The following TAF3 variants were observed in gnomAD, a reference collection of about 807,000 sequenced individuals.
TAF3 encodes the protein TATA-box binding protein associated factor 3.
TAF3 carries 7 observed loss-of-function variants against 80.6 expected under a neutral mutation model. The ratio of observed to expected loss-of-function variants is 0.09; its 90% CI spans 0.05 to 0.16. TAF3 has a LOEUF of 0.16. TAF3 is among the 10% of genes least tolerant of loss of function. The probability of loss-of-function intolerance (pLI) is 1.00; values close to 1 mark genes in which losing one functional copy is unlikely to be tolerated. For synonymous variants in TAF3, 444 were observed against 446.1 expected, an observed-to-expected ratio of 1.00 and a Z score of 0.06; for missense variants, 921 against 1,140.2, an observed-to-expected ratio of 0.81 and a Z score of 2.77.
chr10:7,980,146 G>A (rs991068599), intron 4 of TAF3, among the ~76,000 whole-genome samples: 26 of 152,222 alleles, frequency 1.7e-4, no homozygotes, highest in South Asian at 4.1e-4. Context: ...TGAAATTAAT[G>A]AGCAGACTGG....
chr10:8,015,581 T>G lies in TAF3; in HGVS notation c.*830T>G, dbSNP rs139193533. 3.8e-3 allele frequency: 577 copies of G among 152,272 alleles called. 3 individuals carry two copies. Among genetic ancestry groups the G allele is most frequent in the African/African-American group, 0.012 (512 of 41,568 alleles). The allele number at this position is 152,272 out of a possible 1,614,324, so 9.4% of individuals were successfully genotyped here. ...ATTTTTATCGTGTTTAATTCTGGCT[T>G]TCTCTGAAATCCACTGTGATTTCAG... On this transcript the variant is annotated 3_prime_UTR_variant, in exon 7 of 7. Coordinates refer to ENST00000344293, the MANE Select transcript of TAF3 (RefSeq NM_031923.4).
chr10:7,872,213 A>ATATT lies in TAF3; in HGVS notation c.409+47654_409+47655insATTT, dbSNP rs767223058. ...GTAACATGGTAGAAGTGTTGGGTTG[A>ATATT]TTTTTTTTTTTTTTTTTTTTCTTTC... On this transcript the variant is annotated intron_variant, in intron 2 of 6. Transcript: ENST00000344293. Among the ~76,000 whole-genome samples, 7 of 121,974 alleles carry ATATT rather than the reference A, an allele frequency of 5.7e-5. No homozygotes were observed. In the South Asian group the frequency reaches 7.7e-4, roughly 13 times the overall value. The allele number at this position is 121,974 out of a possible 152,430, so 80.0% of individuals were successfully genotyped here.
chr10:7,864,370 T>G (rs1005563419), intron 2 of TAF3, among the ~76,000 whole-genome samples: 1 of 152,230 alleles, frequency 6.6e-6, no homozygotes, highest in African/African-American at 2.4e-5. Context: ...TTTTGAAGTA[T>G]ATAGGCACTG....
At chr10:7,890,331 T>G (rs536035187) in intron 2 of TAF3, among the ~76,000 whole-genome samples, 1 of 152,336 alleles carries the variant, frequency 6.6e-6, no homozygotes, top group African/African-American at 2.4e-5. Context: ...TTGGATGCTC[T>G]TGGTATAGCC....
At chr10:7,943,896 A>G (rs1323482766) in intron 2 of TAF3, among the ~76,000 whole-genome samples, 2 of 152,212 alleles carry the variant, frequency 1.3e-5, no homozygotes, top group African/African-American at 2.4e-5. Flanking sequence ...AGGATGAGCA[A>G]TTTCTAAAAA....
rs374330193 is a variant in TAF3, at chr10:8,000,360, G to T, written c.2316-8718G>T. 2.6e-5 allele frequency among the ~76,000 whole-genome samples: 4 copies of T among 152,012 alleles called. No homozygotes were observed. The South Asian group carries it at 6.2e-4, about 24-fold the overall frequency. ...TCGAACTCCCAACCTCAGGTGATCC[G>T]CCTGTGTTGGCCTCCCAAAGTGCTG... On this transcript the variant is annotated intron_variant, in intron 4 of 6. Coordinates refer to ENST00000344293, the MANE Select transcript of TAF3 (RefSeq NM_031923.4).
chr10:7,892,434 T>G (rs566968393), intron 2 of TAF3, among the ~76,000 whole-genome samples: 2 of 152,224 alleles, frequency 1.3e-5, no homozygotes, highest in Non-Finnish European at 2.9e-5. Context: ...TACAAAATTT[T>G]GTAAACATAG....
rs117372750 is a variant in TAF3, at chr10:7,989,854, A to G, written c.2315+12531A>G. ...TGGTCCATTGGCCAAAGTTTGGAGC[A>G]TAATGTTCCTGGTATATGTATGTCA... On this transcript the variant is annotated intron_variant, in intron 4 of 6. Transcript: ENST00000344293. 1.1e-3 allele frequency among the ~76,000 whole-genome samples: 170 copies of G among 152,354 alleles called. 2 individuals are homozygous for G. In the East Asian group the frequency reaches 0.029, roughly 26 times the overall value.
Position 8,009,199 on chromosome 10 carries a change from GTGCCGC to G in TAF3, c.2447_2452del (p.Pro816_Leu817del). ...CCCCATGCTCGTCAGCCCTGCGCCCGTGCCGCTGCCGCTGCTCGCCCAGGCCGCCGC... is the reference window on the plus strand; with the variant it reads ...CCCCATGCTCGTCAGCCCTGCGCCCGTGCCGCTGCTCGCCCAGGCCGCCGC... On this transcript the variant is annotated inframe_deletion, in exon 5 of 7. Transcript: ENST00000344293. The surrounding 1 kb of genome is among the most constrained non-coding windows in gnomAD (Gnocchi z 4.1). 1 of 1,454,056 alleles carries G rather than the reference GTGCCGC, an allele frequency of 6.9e-7. No homozygotes were observed. Among genetic ancestry groups the G allele is most frequent in the South Asian group, 1.3e-5 (1 of 77,326 alleles). The allele number at this position is 1,454,056 out of a possible 1,614,324, so 90.1% of individuals were successfully genotyped here.
intron 3 of TAF3, among the ~76,000 whole-genome samples, chr10:7,972,213 T>C (rs1276359451): frequency 6.6e-6 from 1 of 152,222 alleles, no homozygotes. Context: ...GAGAAATTAT[T>C]TTATGATTGT....
intron 2 of TAF3, among the ~76,000 whole-genome samples, chr10:7,839,145 T>C (rs1836884872): frequency 6.6e-6 from 1 of 152,156 alleles, no homozygotes; most frequent in Non-Finnish European, 1.5e-5. Flanking sequence ...ATCATTAAAC[T>C]GCTGATGTTT....
chr10:7,960,875 TC>T (rs1838183099), intron 2 of TAF3, among the ~76,000 whole-genome samples: 1 of 152,168 alleles, frequency 6.6e-6, no homozygotes, highest in African/African-American at 2.4e-5. Context: ...GCATAACTCT[TC>T]CGTGTAATAA....
At chr10:7,920,304 GTGTGTGTGTGTGTGTGTGTGTGTGTGTA>G (rs1279201706) in intron 2 of TAF3, among the ~76,000 whole-genome samples, 1,649 of 80,066 alleles carry the variant, frequency 0.021, 18 homozygotes, top group Middle Eastern at 0.062. Context: ...ACATACGTGT[GTGTGTGTGTGTGTGTGTGTGTGTGTGTA>G]TGTGTGTGTG....
At chr10:7,916,545 A>C (rs773953738) in intron 2 of TAF3, among the ~76,000 whole-genome samples, 4 of 152,210 alleles carry the variant, frequency 2.6e-5, no homozygotes, top group Non-Finnish European at 4.4e-5. Context: ...CATCATGTTT[A>C]ACACATAATT....
At chr10:7,876,154 C>A (rs374651811) in intron 2 of TAF3, among the ~76,000 whole-genome samples, 1 of 151,820 alleles carries the variant, frequency 6.6e-6, no homozygotes, top group Non-Finnish European at 1.5e-5. Flanking sequence ...TAATTTTGTG[C>A]GGTGTTTTAT....
chr10:7,938,822 C>T (rs980640436), intron 2 of TAF3, among the ~76,000 whole-genome samples: 5 of 152,194 alleles, frequency 3.3e-5, no homozygotes, highest in Non-Finnish European at 7.3e-5. Context: ...AATAACTGAA[C>T]CTCAGGAACA....
intron 2 of TAF3, among the ~76,000 whole-genome samples, chr10:7,941,169 GCTGT>G (rs1837972488): frequency 6.6e-6 from 1 of 152,126 alleles, no homozygotes; most frequent in African/African-American, 2.4e-5. Flanking sequence ...CACTGGGAGA[GCTGT>G]CTTTCAGGAG....
At chr10:7,901,291 A>G (rs1321243966) in intron 2 of TAF3, among the ~76,000 whole-genome samples, 1 of 152,254 alleles carries the variant, frequency 6.6e-6, no homozygotes, top group East Asian at 1.9e-4. Flanking sequence ...ACCTCTGCGT[A>G]GTCCATGCCA....
chr10:7,987,477 A>T (rs263431), intron 4 of TAF3, among the ~76,000 whole-genome samples: 150,888 of 152,334 alleles, frequency 0.99, 74,748 homozygotes, highest in Middle Eastern at 1. Context: ...CCAGTTTTCA[A>T]ACATTTAAGT....
Sources: allele counts gnomAD v4.1 joint callset (sites outside exome capture counted in the v4.1 genomes callset), GRCh38; gene constraint gnomAD v4.1.1; non-coding constraint Gnocchi (gnomAD v3.1); transcripts MANE v1.5; gene names NCBI Gene and HGNC (gene_info 2026-07-23, HGNC 2026-07-21).